DGCR2: variants seen among roughly 807,000 people sequenced by gnomAD.
The protein encoded by DGCR2 is DiGeorge syndrome critical region gene 2, also known as integral membrane protein DGCR2/IDD.
DGCR2 carries 24 observed loss-of-function variants against 51.6 expected under a neutral mutation model. The observed-to-expected ratio is 0.47, with a 90% CI of 0.34 to 0.65. The LOEUF (loss-of-function observed/expected upper bound fraction) is 0.65. Ranked by LOEUF, DGCR2 falls within the 30% of genes least tolerant of loss-of-function variation. DGCR2 has a pLI of 0.01. For synonymous variants in DGCR2, 340 were observed against 315.4 expected, an observed-to-expected ratio of 1.08 and a Z score of -0.82; for missense variants, 765 against 772.1, an observed-to-expected ratio of 0.99 and a Z score of 0.11.
At chr22:19,096,782 G>T (rs9605935) in intron 1 of DGCR2, among the ~76,000 whole-genome samples, 2 of 151,472 alleles carry the variant, frequency 1.3e-5, no homozygotes, top group Non-Finnish European at 2.9e-5. Context: ...GCTATTCACA[G>T]GCACAATCAT....
chr22:19,064,676 C>T (rs11913366), intron 4 of DGCR2, among the ~76,000 whole-genome samples, 172 bp downstream of exon 4: 20,009 of 152,242 alleles, frequency 0.13, 2,144 homozygotes, highest in African/African-American at 0.29. Flanking sequence ...CCACCTATCT[C>T]GATGCACACT....
chr22:19,073,684 T>C (rs1356383021), intron 2 of DGCR2, among the ~76,000 whole-genome samples: 1 of 152,208 alleles, frequency 6.6e-6, no homozygotes, highest in East Asian at 1.9e-4. Flanking sequence ...TGGGAAAAAC[T>C]TATTTCTAGC....
In DGCR2 at chr22:19,107,922, T is replaced by C. The variant is rs149549047; in HGVS notation, c.79+14206A>G. Among the ~76,000 whole-genome samples, 12 of 152,370 alleles carry C rather than the reference T, an allele frequency of 7.9e-5. No homozygotes were observed. In the East Asian group the frequency reaches 2.3e-3, roughly 29 times the overall value. ...ATTTCTCTAAGAGAAAGAACAGCTG[T>C]AGTCAAATCAGATTCCTGAATGCTC... is the stretch of plus-strand genomic sequence containing the variant. On this transcript the variant is annotated intron_variant, in intron 1 of 9. Coordinates refer to ENST00000263196, the MANE Select transcript of DGCR2 (RefSeq NM_005137.3).
At chr22:19,069,913 C>T (rs528788339) in intron 2 of DGCR2, among the ~76,000 whole-genome samples, 2 of 152,312 alleles carry the variant, frequency 1.3e-5, no homozygotes, top group South Asian at 4.1e-4. Flanking sequence ...GTGTCCGAGA[C>T]ACTTTCAACA....
intron 7 of DGCR2, chr22:19,048,124 CG>C (rs1873381794): frequency 2.4e-6 from 1 of 416,290 alleles, no homozygotes; most frequent in South Asian, 2.5e-5. Flanking sequence ...ACCCTGGAGG[CG>C]TAAGTTTGAA....
chr22:19,080,264 G>A (rs889606803), intron 2 of DGCR2, among the ~76,000 whole-genome samples: 1 of 152,132 alleles, frequency 6.6e-6, no homozygotes, highest in Non-Finnish European at 1.5e-5. Flanking sequence ...CACTTATTTT[G>A]CAGACTTTAA....
chr22:19,064,243 C>A (rs1228347596), intron 4 of DGCR2, among the ~76,000 whole-genome samples: 6 of 152,268 alleles, frequency 3.9e-5, no homozygotes. Context: ...GCCCTGCCCT[C>A]CGGGCTATAC....
chr22:19,072,011 T>C (rs362076), intron 2 of DGCR2, among the ~76,000 whole-genome samples: 152,220 of 152,220 alleles, frequency 1, 76,110 homozygotes, highest in Non-Finnish European at 1. Context: ...TATGAGTTTT[T>C]TATAGATCTG....
chr22:19,080,548 T>A (rs1434561950), intron 2 of DGCR2, among the ~76,000 whole-genome samples: 1 of 152,140 alleles, frequency 6.6e-6, no homozygotes, highest in African/African-American at 2.4e-5. Flanking sequence ...GTCTAGAAAA[T>A]CAACTCCTGC....
intron 3 of DGCR2, among the ~76,000 whole-genome samples, chr22:19,067,518 C>A (rs573069826): frequency 6.6e-6 from 1 of 152,044 alleles, no homozygotes; most frequent in African/African-American, 2.4e-5. Context: ...GGTGGTGAAA[C>A]CCGGTCTCTA....
At chr22:19,109,785 T>C (rs532722160) in intron 1 of DGCR2, among the ~76,000 whole-genome samples, 2 of 152,260 alleles carry the variant, frequency 1.3e-5, no homozygotes, top group African/African-American at 4.8e-5. Flanking sequence ...TTTTACGTTA[T>C]TAAAAAAAAA....
intron 7 of DGCR2, among the ~76,000 whole-genome samples, chr22:19,043,986 T>C (rs2082461122): frequency 6.6e-6 from 1 of 152,188 alleles, no homozygotes; most frequent in African/African-American, 2.4e-5. Context: ...CTGTCATCAG[T>C]GGGAGAAAGC....
rs1363061284 is a variant in DGCR2, at chr22:19,089,390, C to G, written c.180G>C (p.Glu60Asp). The stretch of plus-strand genomic sequence containing the variant: ...CACCTGGACAGTTGGCTTCGTCGCT[C>G]TCATCCTCGCAAGTCGCCCAGCCGT... ...QCDGWATCED[E>D]SDEANCPEVT... Residue 60 changes from glutamate (E) to aspartate (D), a missense_variant, in exon 2 of 10, where the codon GAG becomes GAC. This residue lies in a region of DGCR2 where 370 missense variants were observed against 325.5 expected (regional missense o/e 1.14). Coordinates refer to ENST00000263196, the MANE Select transcript of DGCR2 (RefSeq NM_005137.3). 1.2e-6 allele frequency: 2 copies of G among 1,610,328 alleles called. No homozygotes were observed. Among genetic ancestry groups the G allele is most frequent in the Non-Finnish European group, 1.7e-6 (2 of 1,178,178 alleles).
chr22:19,046,221 A>T (rs1441076957), intron 7 of DGCR2: 1 of 137,500 alleles, frequency 7.3e-6, no homozygotes, highest in East Asian at 2.0e-4. Context: ...TGCAGCAAAC[A>T]GAATGTGCAC....
intron 2 of DGCR2, among the ~76,000 whole-genome samples, chr22:19,079,664 A>T (rs893584570): frequency 6.6e-6 from 1 of 152,216 alleles, no homozygotes; most frequent in Non-Finnish European, 1.5e-5. Flanking sequence ...AACAACCCCA[A>T]GTGACAGGCA....
chr22:19,083,706 C>CCCCTCCCCCCT lies in DGCR2; in HGVS notation c.202+5661_202+5662insAGGGGGGAGGG, dbSNP rs1308117404. Among the ~76,000 whole-genome samples, 79 of 106,664 alleles carry CCCCTCCCCCCT rather than the reference C, an allele frequency of 7.4e-4. 1 individual carries two copies. The highest frequency in any genetic ancestry group is 3.3e-3 in the African/African-American group (76 of 23,194). 70.0% of individuals were successfully genotyped at this position (106,664 alleles called of 152,430 possible). ...CCTCTCCCTCTCCCCCCTCCCCCTC[C>CCCCTCCCCCCT]CCCTCTCCCTCTCCCCACGGTCTCC... On this transcript the variant is annotated intron_variant, in intron 2 of 9. Transcript: ENST00000263196.
At chr22:19,082,879 G>C (rs1045263961) in intron 2 of DGCR2, among the ~76,000 whole-genome samples, 2 of 152,168 alleles carry the variant, frequency 1.3e-5, no homozygotes, top group Admixed American at 6.5e-5. Context: ...GCTTAAACTC[G>C]TGAGTTAGAG....
intron 6 of DGCR2, among the ~76,000 whole-genome samples, chr22:19,055,367 C>T (rs1269142035): frequency 6.6e-6 from 1 of 152,102 alleles, no homozygotes; most frequent in Admixed American, 6.5e-5. Flanking sequence ...TCTTTGACTT[C>T]ATACAGGTAC....
intron 9 of DGCR2, 58 bp from the exon 10 acceptor site, chr22:19,039,179 A>G (rs746437040): frequency 6.4e-4 from 1,027 of 1,595,328 alleles, no homozygotes; most frequent in Non-Finnish European, 8.4e-4. Flanking sequence ...CAGGGGATGC[A>G]GGGGAGCTAG....
Sources: gnomAD v4.1 joint callset for allele counts (sites outside exome capture counted in the v4.1 genomes callset) on GRCh38, gnomAD v4.1.1 for gene constraint, gnomAD v4.1.1 regional missense constraint, MANE v1.5 for transcripts, NCBI Gene and HGNC (gene_info 2026-07-23, HGNC 2026-07-21) for gene names.